Variants in USP53 observed in about 807,000 individuals in gnomAD.
The protein encoded by USP53 is ubiquitin specific peptidase 53.
A neutral mutation model predicts 94.9 loss-of-function variants in USP53; 71 were observed. The observed-to-expected ratio is 0.75, with a 90% CI of 0.62 to 0.91. The LOEUF is 0.91. Ranked by LOEUF, USP53 falls within the 40% of genes least tolerant of loss-of-function variation. The pLI is 0.00. For synonymous variants in USP53, 375 were observed against 422.7 expected, an observed-to-expected ratio of 0.89 and a Z score of 1.39; for missense variants, 1,173 against 1,281.0, an observed-to-expected ratio of 0.92 and a Z score of 1.29.
At chr4:119,226,956 C>T (rs1341531689) in intron 3 of USP53, among the ~76,000 whole-genome samples, 4 of 152,126 alleles carry the variant, frequency 2.6e-5, no homozygotes, top group Non-Finnish European at 4.4e-5. Context: ...ACCTCAGCCT[C>T]CTGAGGAGCT....
At chr4:119,229,595 T>C (rs1175775462) in intron 3 of USP53, among the ~76,000 whole-genome samples, 1 of 152,202 alleles carries the variant, frequency 6.6e-6, no homozygotes, top group Non-Finnish European at 1.5e-5. Flanking sequence ...CTTTCTTTAC[T>C]TTCCTCTCTG....
intron 18 of USP53, 79 bp downstream of exon 18, chr4:119,291,340 T>C: frequency 2.3e-6 from 2 of 887,158 alleles, no homozygotes; most frequent in East Asian, 2.7e-5. Flanking sequence ...ATATTATTAC[T>C]TTGAAAGCAA....
At chr4:119,227,462 C>T (rs1183736232) in intron 3 of USP53, among the ~76,000 whole-genome samples, 1 of 152,104 alleles carries the variant, frequency 6.6e-6, no homozygotes, top group Non-Finnish European at 1.5e-5. Context: ...AACCCCGACT[C>T]TACTACAAGT....
chr4:119,271,970 C>A lies in USP53; in HGVS notation c.2110C>A (p.Pro704Thr). 6.2e-7 allele frequency: 1 copy of A among 1,613,386 alleles called. No homozygotes were observed. The highest frequency in any genetic ancestry group is 1.1e-5 in the South Asian group (1 of 90,860). ...ISNGSTNLDS[P>T]VIDGNGTVMD... ...TAATGGTTCTACTAATTTGGACTCA[C>A]CTGTTATCGATGGAAATGGTACAGT... The change falls in exon 16 of 19, where the codon CCT (proline) becomes ACT (threonine). Residue 704 changes from proline to threonine, a missense_variant. By Grantham distance (38) the Pro-to-Thr change is conservative (BLOSUM62 -1). Coordinates refer to ENST00000692078, the MANE Select transcript of USP53 (RefSeq NM_001371395.1).
At chr4:119,233,865 G>A (rs149780881) in intron 3 of USP53, among the ~76,000 whole-genome samples, 317 of 152,308 alleles carry the variant, frequency 2.1e-3, no homozygotes, top group African/African-American at 7.0e-3. Context: ...TGAAAGACTA[G>A]GCTTTAACAT....
intron 17 of USP53, among the ~76,000 whole-genome samples, chr4:119,282,591 T>TTTG (rs1753626071): frequency 6.6e-6 from 1 of 152,094 alleles, no homozygotes; most frequent in African/African-American, 2.4e-5. Context: ...ACTTTCTACT[T>TTTG]CAAAGCCTAC....
At chr4:119,252,624 T>A (rs1418234886) in intron 7 of USP53, among the ~76,000 whole-genome samples, 1 of 152,192 alleles carries the variant, frequency 6.6e-6, no homozygotes, top group Non-Finnish European at 1.5e-5. Flanking sequence ...CTGCTCTCTT[T>A]TCTTCTTTAT....
chr4:119,273,035 T>G (rs182911209), intron 16 of USP53: 1 of 152,282 alleles, frequency 6.6e-6, no homozygotes, highest in African/African-American at 2.4e-5. Context: ...GGGCCAGGTG[T>G]AGTGTTTACA....
intron 9 of USP53, 136 bp from the exon 10 acceptor site, chr4:119,259,684 A>G (rs1750241413): frequency 1.7e-6 from 1 of 572,142 alleles, no homozygotes; most frequent in East Asian, 3.1e-5. Context: ...AATGTACTTT[A>G]TGGTTAATTT....
intron 13 of USP53, among the ~76,000 whole-genome samples, 199 bp downstream of exon 13, chr4:119,267,681 G>A (rs1751317211): frequency 6.6e-6 from 1 of 152,176 alleles, no homozygotes; most frequent in African/African-American, 2.4e-5. Context: ...ACCTTCAGGA[G>A]TTACCCACTA....
At chr4:119,262,173 C>G (rs1353258782) in intron 12 of USP53, among the ~76,000 whole-genome samples, 1 of 152,130 alleles carries the variant, frequency 6.6e-6, no homozygotes, top group African/African-American at 2.4e-5. Context: ...CTGACGCATA[C>G]TTGCTATATT....
At chr4:119,236,589 A>G (rs1162334282) in intron 4 of USP53, among the ~76,000 whole-genome samples, 2 of 152,234 alleles carry the variant, frequency 1.3e-5, no homozygotes, top group African/African-American at 2.4e-5. Flanking sequence ...CATTTCAACA[A>G]TGTGCACAGC....
intron 3 of USP53, among the ~76,000 whole-genome samples, chr4:119,229,598 C>T (rs1431985399): frequency 6.6e-6 from 1 of 152,116 alleles, no homozygotes; most frequent in Admixed American, 6.6e-5. Context: ...TCTTTACTTT[C>T]CTCTCTGCTT....
Position 119,230,417 on chromosome 4 carries a change from G to A in USP53, c.-664-4873G>A, listed in dbSNP as rs894298097. Among the ~76,000 whole-genome samples, 5 of 152,120 alleles carry A rather than the reference G, an allele frequency of 3.3e-5. No homozygotes were observed. In the South Asian group the frequency reaches 8.3e-4, roughly 25 times the overall value. ...ACTACCCCTTCCCTGCCAGGGCTTC[G>A]GGAGATCTGGTCATGAGTGTTTACA... On this transcript the variant is annotated intron_variant, in intron 3 of 18. Coordinates refer to ENST00000692078, the MANE Select transcript of USP53 (RefSeq NM_001371395.1).
intron 13 of USP53, 125 bp downstream of exon 13, chr4:119,267,607 G>A: frequency 1.8e-6 from 2 of 1,107,102 alleles, no homozygotes; most frequent in Non-Finnish European, 2.4e-6. Context: ...TAGAGCTGAG[G>A]AAATTTTAGT....
chr4:119,261,332 A>G (rs1313885890), intron 11 of USP53, among the ~76,000 whole-genome samples: 1 of 152,132 alleles, frequency 6.6e-6, no homozygotes, highest in Non-Finnish European at 1.5e-5. Flanking sequence ...AAAGTTTTGG[A>G]TAATTATCTT....
intron 3 of USP53, among the ~76,000 whole-genome samples, chr4:119,228,677 T>C (rs557117472): frequency 4.6e-5 from 7 of 152,210 alleles, no homozygotes; most frequent in Admixed American, 6.5e-5. Context: ...ATTGTGGTAA[T>C]GGTTACATGA....
chr4:119,222,442 C>A (rs772086533), intron 3 of USP53, among the ~76,000 whole-genome samples: 12 of 151,168 alleles, frequency 7.9e-5, no homozygotes, highest in Non-Finnish European at 1.6e-4. Context: ...CTCTCTTTAT[C>A]CCTTCTCTCC....
intron 3 of USP53, among the ~76,000 whole-genome samples, chr4:119,233,079 A>T (rs1407836332): frequency 6.6e-6 from 1 of 151,132 alleles, no homozygotes; most frequent in Non-Finnish European, 1.5e-5. Context: ...CTTTTTAGTT[A>T]TTGCCATAAG....
Sources: gnomAD v4.1 joint callset for allele counts (sites outside exome capture counted in the v4.1 genomes callset) on GRCh38, gnomAD v4.1.1 for gene constraint, MANE v1.5 for transcripts, NCBI Gene and HGNC (gene_info 2026-07-23, HGNC 2026-07-21) for gene names.